NTRK3: variants seen among roughly 807,000 people sequenced by gnomAD.
The protein encoded by NTRK3 is neurotrophic receptor tyrosine kinase 3.
A neutral mutation model predicts 91.7 loss-of-function variants in NTRK3; 24 were observed. The observed-to-expected ratio is 0.26, with a 90% CI of 0.19 to 0.37. The LOEUF is 0.37. Ranked by LOEUF, NTRK3 falls within the 10% of genes least tolerant of loss-of-function variation. The probability of loss-of-function intolerance (pLI) is 1.00; values close to 1 mark genes in which losing one functional copy is unlikely to be tolerated. For missense variants in NTRK3, 880 were observed against 1,068.9 expected (o/e 0.82, Z 2.46); for synonymous variants, 483 against 404.0 (o/e 1.20, Z -2.34).
At chr15:88,024,027 T>C (rs1174633820) in intron 14 of NTRK3, among the ~76,000 whole-genome samples, 2 of 152,208 alleles carry the variant, frequency 1.3e-5, no homozygotes, top group Non-Finnish European at 2.9e-5. Context: ...GCATAGAAGG[T>C]GACAGAAATC....
chr15:88,096,758 A>G (rs1597290463), intron 13 of NTRK3, among the ~76,000 whole-genome samples: 1 of 152,194 alleles, frequency 6.6e-6, no homozygotes. Context: ...CCAGTTTCTC[A>G]GACGGTCCCC....
At chr15:88,076,519 G>C (rs1225485387) in intron 13 of NTRK3, among the ~76,000 whole-genome samples, 1 of 152,026 alleles carries the variant, frequency 6.6e-6, no homozygotes, top group Non-Finnish European at 1.5e-5. Context: ...TTCATTGATG[G>C]TTTCATTTAT....
At chr15:87,971,258 C>A (rs2141274070) in intron 14 of NTRK3, among the ~76,000 whole-genome samples, 1 of 152,270 alleles carries the variant, frequency 6.6e-6, no homozygotes, top group South Asian at 2.1e-4. Flanking sequence ...TATCTGGCTC[C>A]CTCTGAAGCA....
intron 18 of NTRK3, among the ~76,000 whole-genome samples, chr15:87,879,384 T>C (rs1388346872): frequency 2.0e-5 from 3 of 152,210 alleles, no homozygotes; most frequent in Non-Finnish European, 4.4e-5. Flanking sequence ...CAAACTGCAC[T>C]GAATTCCCTG....
chr15:87,922,179 C>G (rs1489744484), intron 17 of NTRK3, among the ~76,000 whole-genome samples: 2 of 152,130 alleles, frequency 1.3e-5, no homozygotes, highest in Admixed American at 1.3e-4. Context: ...TCTCACAGAC[C>G]ACTGGCTCTC....
chr15:88,222,570 T>C (rs956605375), intron 3 of NTRK3, among the ~76,000 whole-genome samples: 3 of 152,244 alleles, frequency 2.0e-5, no homozygotes, highest in Admixed American at 6.5e-5. Context: ...ACATTAATCT[T>C]GTGAAACAGC....
chr15:87,886,264 C>T (rs564789151), intron 17 of NTRK3, among the ~76,000 whole-genome samples: 1 of 152,032 alleles, frequency 6.6e-6, no homozygotes, highest in Non-Finnish European at 1.5e-5. Flanking sequence ...AATCTGTCAA[C>T]ATTAAAGGTG....
chr15:87,951,564 C>T (rs930279523), intron 14 of NTRK3, among the ~76,000 whole-genome samples: 9 of 152,202 alleles, frequency 5.9e-5, no homozygotes, highest in African/African-American at 2.2e-4. Flanking sequence ...TTCTTTCCCC[C>T]AGCAATGAAC....
chr15:88,053,600 C>A (rs1036487700), intron 13 of NTRK3, among the ~76,000 whole-genome samples: 3 of 152,190 alleles, frequency 2.0e-5, no homozygotes, highest in African/African-American at 7.2e-5. Context: ...TTCTTTGGGA[C>A]CTCAGCTGGG....
rs1441515543 is a variant in NTRK3 at position 88,241,732 on chromosome 15, C to A, written c.248+14174G>T. Among the ~76,000 whole-genome samples the A allele has an allele frequency of 1.3e-5, 2 of 152,154 alleles. No homozygotes were observed. Among genetic ancestry groups the A allele is most frequent in the Non-Finnish European group, 2.9e-5 (2 of 68,028 alleles). On this transcript the variant is annotated intron_variant, in intron 3 of 18. Transcript: ENST00000394480. This position sits in a 1 kb window ranked among gnomAD's most constrained non-coding sequence, Gnocchi z 4.3. ...CTCACCCAGGCTCACCTCCACCCAGCGCACTGGGGAGAAGGGCTGCCCTAT... is the reference window on the plus strand; with the variant it reads ...CTCACCCAGGCTCACCTCCACCCAGAGCACTGGGGAGAAGGGCTGCCCTAT...
intron 5 of NTRK3, among the ~76,000 whole-genome samples, chr15:88,155,303 T>G (rs914950281): frequency 3.9e-5 from 6 of 152,156 alleles, no homozygotes; most frequent in African/African-American, 1.2e-4. Flanking sequence ...TTGCTGGCTT[T>G]GAAGATGGAA....
At chr15:88,018,715 G>T (rs1596732726) in intron 14 of NTRK3, among the ~76,000 whole-genome samples, 1 of 152,200 alleles carries the variant, frequency 6.6e-6, no homozygotes, top group Non-Finnish European at 1.5e-5. Context: ...ACAAAATGGG[G>T]AAAGTAATAG....
intron 5 of NTRK3, among the ~76,000 whole-genome samples, chr15:88,162,348 C>T (rs1484865977): frequency 6.6e-6 from 1 of 152,160 alleles, no homozygotes; most frequent in Non-Finnish European, 1.5e-5. Context: ...ACAGTGCCCA[C>T]CACATGGTAG....
intron 14 of NTRK3, among the ~76,000 whole-genome samples, chr15:88,002,532 T>C (rs1296870771): frequency 1.3e-5 from 2 of 152,122 alleles, no homozygotes; most frequent in African/African-American, 4.8e-5. Flanking sequence ...TCAGAGAATC[T>C]GAGATCTCTG....
Position 87,888,662 on chromosome 15 carries a change from T to G in NTRK3, c.2134-8234A>C, listed in dbSNP as rs1208783839. ...TCACACGTTAGCAGGGCTGCCAGAT[T>G]AAACACAGGATGCCCAGTTAAATTT... On this transcript the variant is annotated intron_variant, in intron 17 of 18. Transcript: ENST00000394480. Among the ~76,000 whole-genome samples, 5 of 152,222 alleles carry G rather than the reference T, an allele frequency of 3.3e-5. No individual in the cohort carries two copies. In the East Asian group the frequency reaches 9.6e-4, roughly 29 times the overall value.
chr15:87,985,355 C>A (rs535785395), intron 14 of NTRK3, among the ~76,000 whole-genome samples: 1 of 152,200 alleles, frequency 6.6e-6, no homozygotes, highest in Non-Finnish European at 1.5e-5. Flanking sequence ...ACAAGCAGGA[C>A]TTTTTAATAT....
exon 16 of NTRK3, chr15:87,933,053 G>C (rs2068946627): frequency 6.2e-7 from 1 of 1,613,986 alleles, no homozygotes; most frequent in African/African-American, 1.3e-5. Context: ...TGTATTCAAA[G>C]ACCATGATGA....
At chr15:87,950,837 G>A (rs146159700) in intron 14 of NTRK3, among the ~76,000 whole-genome samples, 2 of 152,172 alleles carry the variant, frequency 1.3e-5, no homozygotes, top group African/African-American at 2.4e-5. Context: ...TTATTGTTAC[G>A]GTTATTATTA....
At chr15:88,174,961 CTTAAA>C (rs934507861) in intron 5 of NTRK3, among the ~76,000 whole-genome samples, 3 of 152,238 alleles carry the variant, frequency 2.0e-5, no homozygotes, top group African/African-American at 7.2e-5. Context: ...CTTCCTTATA[CTTAAA>C]TTAGAGGAGG....
Sources: allele counts gnomAD v4.1 joint callset (sites outside exome capture counted in the v4.1 genomes callset), GRCh38; gene constraint gnomAD v4.1.1; non-coding constraint Gnocchi (gnomAD v3.1); transcripts MANE v1.5; gene names NCBI Gene and HGNC (gene_info 2026-07-23, HGNC 2026-07-21).